Variants in CPVL observed in about 807,000 individuals in gnomAD.
The protein encoded by CPVL is probable serine carboxypeptidase CPVL.
In CPVL, 51 loss-of-function variants were observed where a neutral mutation model predicts 63.7. The ratio of observed to expected loss-of-function variants is 0.80; its 90% CI spans 0.64 to 1.01. CPVL has a LOEUF of 1.01. Ranked by LOEUF, CPVL falls within the 50% of genes least tolerant of loss-of-function variation. CPVL has a pLI of 0.00. For missense variants in CPVL, 530 were observed against 573.1 expected (o/e 0.92, Z 0.77); for synonymous variants, 195 against 206.0 (o/e 0.95, Z 0.46).
intron 7 of CPVL, among the ~76,000 whole-genome samples, chr7:29,074,597 T>C (rs531922089): frequency 6.6e-6 from 1 of 151,918 alleles, no homozygotes; most frequent in Non-Finnish European, 1.5e-5. Flanking sequence ...AATCCTTATG[T>C]GTTGAGGAAG....
chr7:29,061,765 G>A (rs932764022), intron 11 of CPVL, among the ~76,000 whole-genome samples: 3 of 151,940 alleles, frequency 2.0e-5, no homozygotes, highest in Non-Finnish European at 2.9e-5. Context: ...TGACCAACAC[G>A]GAGAAAACTC....
intron 2 of CPVL, among the ~76,000 whole-genome samples, chr7:29,116,617 T>C (rs1425702657): frequency 6.6e-6 from 1 of 152,334 alleles, no homozygotes; most frequent in East Asian, 1.9e-4. Context: ...GCATGCCAGA[T>C]TCACAAACAC....
chr7:29,110,001 C>G (rs1788098570), intron 3 of CPVL, among the ~76,000 whole-genome samples: 1 of 152,226 alleles, frequency 6.6e-6, no homozygotes. Flanking sequence ...CTAGACATAG[C>G]TGTTCACCTG....
In CPVL at chr7:29,074,943, T is replaced by C. The variant is rs182156916; in HGVS notation, c.610-2520A>G. ...CTTAGATTAGAATTTCTATAATGTA[T>C]ACATTGCCTAGCACAAAATAGGTAA... On this transcript the variant is annotated intron_variant, in intron 7 of 12. Coordinates refer to ENST00000265394, the MANE Select transcript of CPVL (RefSeq NM_031311.5). 3.0e-4 allele frequency among the ~76,000 whole-genome samples: 46 copies of C among 152,180 alleles called. No individual in the cohort carries two copies. In the East Asian group the frequency reaches 8.5e-3, roughly 28 times the overall value.
intron 2 of CPVL, among the ~76,000 whole-genome samples, chr7:29,114,946 AAAAG>A (rs1393334331): frequency 6.6e-6 from 1 of 152,186 alleles, no homozygotes; most frequent in Non-Finnish European, 1.5e-5. Flanking sequence ...TCATGGGGAC[AAAAG>A]AAAGGTCTCA....
intron 5 of CPVL, among the ~76,000 whole-genome samples, chr7:29,164,533 C>A (rs1000224940): frequency 6.6e-6 from 1 of 151,902 alleles, no homozygotes; most frequent in Non-Finnish European, 1.5e-5. Flanking sequence ...ACCTATAATT[C>A]CAGCACTTCG....
chr7:29,138,181 T>C (rs1791443054), intron 1 of CPVL, among the ~76,000 whole-genome samples: 1 of 152,200 alleles, frequency 6.6e-6, no homozygotes, highest in African/African-American at 2.4e-5. Flanking sequence ...CTCACGCCTG[T>C]AATCCCAGCA....
At chr7:29,141,224 A>G (rs1019723664) in intron 1 of CPVL, among the ~76,000 whole-genome samples, 1 of 152,232 alleles carries the variant, frequency 6.6e-6, no homozygotes, top group Non-Finnish European at 1.5e-5. Context: ...TAGGAAGGCA[A>G]TGCAGTCCGG....
At chr7:29,135,028 C>A (rs979685925) in intron 1 of CPVL, among the ~76,000 whole-genome samples, 14 of 150,246 alleles carry the variant, frequency 9.3e-5, no homozygotes, top group Non-Finnish European at 2.1e-4. Context: ...ACTTGGGCCC[C>A]AGGAGGTCAA....
chr7:29,133,574 T>C (rs1372235275), intron 1 of CPVL, among the ~76,000 whole-genome samples: 1 of 152,236 alleles, frequency 6.6e-6, no homozygotes, highest in Non-Finnish European at 1.5e-5. Context: ...CTAACATTTT[T>C]ACCTGATGCC....
At chr7:29,135,128 G>A (rs1791072202) in intron 1 of CPVL, among the ~76,000 whole-genome samples, 1 of 149,216 alleles carries the variant, frequency 6.7e-6, no homozygotes, top group Admixed American at 6.7e-5. Context: ...AAAAATCAGG[G>A]TAAGAAATTA....
intron 6 of CPVL, among the ~76,000 whole-genome samples, chr7:29,090,680 G>A (rs1484512861): frequency 6.6e-6 from 1 of 152,152 alleles, no homozygotes; most frequent in Non-Finnish European, 1.5e-5. Context: ...CCAAATCAAA[G>A]TTAATACATT....
At chr7:29,076,594 CTTA>C (rs1376574877) in intron 7 of CPVL, among the ~76,000 whole-genome samples, 4 of 152,142 alleles carry the variant, frequency 2.6e-5, no homozygotes, top group Non-Finnish European at 5.9e-5. Context: ...TTAGGGTGCC[CTTA>C]TTATTCCTTT....
At chr7:29,055,738 C>G (rs1426452990) in intron 11 of CPVL, among the ~76,000 whole-genome samples, 2 of 152,214 alleles carry the variant, frequency 1.3e-5, no homozygotes, top group Admixed American at 1.3e-4. Context: ...TTCTCAGGGC[C>G]ACCCTGCCTT....
chr7:29,129,623 C>T (rs746375738), intron 1 of CPVL, among the ~76,000 whole-genome samples: 3 of 152,166 alleles, frequency 2.0e-5, no homozygotes, highest in South Asian at 4.2e-4. Flanking sequence ...TGTGTGCTAC[C>T]ACTCCTGGCT....
chr7:29,143,717 G>T (rs1471887205), intron 1 of CPVL, among the ~76,000 whole-genome samples: 3 of 152,112 alleles, frequency 2.0e-5, no homozygotes, highest in Admixed American at 2.0e-4. Context: ...AGAGAAAAAG[G>T]TAGGAGGTAA....
At chr7:29,062,330 A>G (rs535874920) in intron 11 of CPVL, among the ~76,000 whole-genome samples, 159 of 152,272 alleles carry the variant, frequency 1.0e-3, no homozygotes, top group South Asian at 2.1e-3. Context: ...GACAAACAGC[A>G]GTGCCTTCTG....
rs191807761 is a variant in CPVL, at chr7:29,137,297, C to T, written c.-11+9132G>A. On this transcript the variant is annotated intron_variant, in intron 1 of 12. Coordinates refer to ENST00000265394, the MANE Select transcript of CPVL (RefSeq NM_031311.5). Reference sequence around the variant, plus strand: ...CATCTGAATGGGAAATCTGGCCCTCCGTGGAGTGCACCAGATTTTATAGAC... The same window carrying T: ...CATCTGAATGGGAAATCTGGCCCTCTGTGGAGTGCACCAGATTTTATAGAC... Among the ~76,000 whole-genome samples, 236 of 152,256 alleles carry T rather than the reference C, an allele frequency of 1.6e-3. 1 individual carries two copies. The highest frequency in any genetic ancestry group is 5.3e-3 in the African/African-American group (222 of 41,542).
In CPVL at chr7:29,146,425, T is replaced by C; in HGVS notation, c.-11+4A>G. 4 of 1,145,476 alleles carry C rather than the reference T, an allele frequency of 3.5e-6. No individual in the cohort carries two copies. Among genetic ancestry groups the C allele is most frequent in the Non-Finnish European group, 4.8e-6 (4 of 838,142 alleles). The allele number at this position is 1,145,476 out of a possible 1,614,324, so 71.0% of individuals were successfully genotyped here. On this transcript the variant is annotated splice_donor_region_variant and intron_variant, in intron 1 of 12. Transcript: ENST00000265394. ...ACGACCCACGCAGGGCAGGCGGCAC[T>C]TACGCGGCGCAGTCGGTGCTCCTCC...
Sources: allele counts gnomAD v4.1 joint callset (sites outside exome capture counted in the v4.1 genomes callset), GRCh38; gene constraint gnomAD v4.1.1; transcripts MANE v1.5; gene names NCBI Gene and HGNC (gene_info 2026-07-23, HGNC 2026-07-21).